CAMK2G: variants seen among roughly 807,000 people sequenced by gnomAD.
CAMK2G encodes calcium/calmodulin dependent protein kinase II gamma.
A neutral mutation model predicts 88.7 loss-of-function variants in CAMK2G; 23 were observed. That is an observed-to-expected ratio of 0.26 (90% CI 0.19 to 0.37). The LOEUF is 0.37. CAMK2G is among the 10% of genes least tolerant of loss of function. The probability of loss-of-function intolerance (pLI) is 1.00; values close to 1 mark genes in which losing one functional copy is unlikely to be tolerated. For missense variants in CAMK2G, 476 were observed against 780.8 expected, an observed-to-expected ratio of 0.61 and a Z score of 4.65; for synonymous variants, 263 against 294.8, an observed-to-expected ratio of 0.89 and a Z score of 1.11.
At chr10:73,865,846 C>T (rs2095567401) in intron 2 of CAMK2G, among the ~76,000 whole-genome samples, 1 of 152,102 alleles carries the variant, frequency 6.6e-6, no homozygotes, top group African/African-American at 2.4e-5. Context: ...CACCTTTCTA[C>T]CAGGCTCATC....
chr10:73,855,797 C>A (rs1355742188), intron 3 of CAMK2G, among the ~76,000 whole-genome samples: 1 of 152,202 alleles, frequency 6.6e-6, no homozygotes, highest in Non-Finnish European at 1.5e-5. Flanking sequence ...CCTGCCAAGA[C>A]AAGGAGGGAT....
Position 73,816,707 on chromosome 10 carries a change from C to T in CAMK2G, c.1534+316G>A, listed in dbSNP as rs554706768. On this transcript the variant is annotated intron_variant, in intron 21 of 22. Transcript: ENST00000423381. ...ATCTCCTGACCTCGTGATCCGCCAG[C>T]CTCAGCCTCCCAAAGTGTTGGGATT... 5.2e-5 allele frequency: 63 copies of T among 1,212,834 alleles called. No individual in the cohort carries two copies. The South Asian group carries it at 7.8e-4, about 15-fold the overall frequency. 75.1% of individuals were successfully genotyped at this position (1,212,834 alleles called of 1,614,324 possible). A position where few individuals can be genotyped will look rare whatever the true frequency, so the allele number is the denominator to read the frequency against.
rs374564688 is a variant in CAMK2G at position 73,872,966 on chromosome 10, A to C, written c.160+23T>G. 2.0e-5 allele frequency: 29 copies of C among 1,478,452 alleles called. No individual in the cohort carries two copies. The Middle Eastern group carries it at 1.2e-3, about 61-fold the overall frequency. The allele number at this position is 1,478,452 out of a possible 1,614,324, so 91.6% of individuals were successfully genotyped here. On this transcript the variant is annotated intron_variant, in intron 2 of 22. Coordinates refer to ENST00000423381, the MANE Select transcript of CAMK2G (RefSeq NM_001367534.1). ...GGCCCCTGGAGGCACCCTCAGGAAGAGGTCAAGACAGGGAACACTCACCCC... is the reference window on the plus strand; with the variant it reads ...GGCCCCTGGAGGCACCCTCAGGAAGCGGTCAAGACAGGGAACACTCACCCC...
At chr10:73,831,595 C>T (rs2092454911) in intron 14 of CAMK2G, among the ~76,000 whole-genome samples, 2 of 149,222 alleles carry the variant, frequency 1.3e-5, no homozygotes, top group South Asian at 2.1e-4. Context: ...ATAGGCCAGG[C>T]GTGGTGGCTC....
At chr10:73,844,676 G>A (rs2094096488) in intron 10 of CAMK2G, among the ~76,000 whole-genome samples, 1 of 152,150 alleles carries the variant, frequency 6.6e-6, no homozygotes. Context: ...CCAAAGTGCT[G>A]GGATTACAGG....
chr10:73,867,582 G>A (rs1050185990), intron 2 of CAMK2G, among the ~76,000 whole-genome samples: 1 of 152,186 alleles, frequency 6.6e-6, no homozygotes, highest in Non-Finnish European at 1.5e-5. Flanking sequence ...GAGCAGATGG[G>A]AAGCTGCGGC....
intron 21 of CAMK2G, 131 bp from the exon 22 acceptor site, chr10:73,815,378 C>CG (rs397940096): frequency 2.6e-5 from 17 of 645,758 alleles, no homozygotes; most frequent in Non-Finnish European, 3.8e-5. Flanking sequence ...CGCCCCCCCC[C>CG]ACCCCCGAAC....
chr10:73,820,663 A>ATTTTTTTTTTTTTTTTTTTTTT, intron 18 of CAMK2G, among the ~76,000 whole-genome samples: 1 of 46,130 alleles, frequency 2.2e-5, no homozygotes, highest in Non-Finnish European at 3.4e-5. Context: ...CACCCGGCTA[A>ATTTTTTTTTTTTTTTTTTTTTT]TTTTTTTTTT....
intron 14 of CAMK2G, among the ~76,000 whole-genome samples, chr10:73,833,818 C>T (rs769217766): frequency 6.7e-6 from 1 of 150,332 alleles, no homozygotes; most frequent in Non-Finnish European, 1.5e-5. Context: ...AGGCTGGTCT[C>T]GAACTCCTGG....
Position 73,839,555 on chromosome 10 carries a change from G to T in CAMK2G, c.993C>A (p.Ala331=). ...GCCACGTACCTTGCCCGGCCAGGCC[G>T]GCGGCGCTCGCGGCAGGCGAGGCGG... ...SAPASPAASA[A]GLAGQAAKSL... is the part of the protein sequence containing the mutation. Residue 331 remains alanine (A), a synonymous_variant, in exon 13 of 23, where the codon GCC becomes GCA. Transcript: ENST00000423381. This position sits in a 1 kb window ranked among gnomAD's most constrained non-coding sequence, Gnocchi z 4.2. The T allele has an allele frequency of 8.1e-7, 1 of 1,234,986 alleles. No homozygotes were observed. Among genetic ancestry groups the T allele is most frequent in the Non-Finnish European group, 1.0e-6 (1 of 987,816 alleles). 76.5% of individuals were successfully genotyped at this position (1,234,986 alleles called of 1,614,324 possible). A position where few individuals can be genotyped will look rare whatever the true frequency, so the allele number is the denominator to read the frequency against.
At chr10:73,861,038 C>T in intron 2 of CAMK2G, 149 bp from the exon 3 acceptor site, 1 of 652,864 alleles carries the variant, frequency 1.5e-6, no homozygotes, top group Non-Finnish European at 2.8e-6. Flanking sequence ...ATCCTGGAGA[C>T]AACTTGTTTT....
intron 20 of CAMK2G, 46 bp from the exon 21 acceptor site, chr10:73,817,163 G>T: frequency 6.4e-7 from 1 of 1,559,924 alleles, no homozygotes; most frequent in South Asian, 1.2e-5. Flanking sequence ...TCTATGGAGT[G>T]ACTTGTCTTC....
intron 3 of CAMK2G, among the ~76,000 whole-genome samples, chr10:73,857,654 G>A (rs2095136114): frequency 6.6e-6 from 1 of 152,176 alleles, no homozygotes; most frequent in African/African-American, 2.4e-5. Context: ...AAACTGCTGG[G>A]GCAGCTCAGC....
intron 2 of CAMK2G, 141 bp downstream of exon 2, chr10:73,872,848 G>T: frequency 5.6e-6 from 4 of 712,840 alleles, no homozygotes; most frequent in South Asian, 4.7e-5. Flanking sequence ...GCTTCAGCCT[G>T]ACACAAAGTC....
chr10:73,841,098 C>A (rs1032821922), intron 12 of CAMK2G, among the ~76,000 whole-genome samples: 3 of 152,266 alleles, frequency 2.0e-5, no homozygotes, highest in African/African-American at 4.8e-5. Context: ...TCCGGAGCTC[C>A]ATGGCTCTCA....
chr10:73,871,717 G>A (rs1275364666), intron 2 of CAMK2G, among the ~76,000 whole-genome samples: 1 of 151,316 alleles, frequency 6.6e-6, no homozygotes, highest in Non-Finnish European at 1.5e-5. Flanking sequence ...AAACAAACAA[G>A]TCCAACTTTA....
chr10:73,839,729 C>T lies in CAMK2G; in HGVS notation c.947-128G>A, dbSNP rs941907626. On this transcript the variant is annotated intron_variant, in intron 12 of 22. Coordinates refer to ENST00000423381, the MANE Select transcript of CAMK2G (RefSeq NM_001367534.1). The surrounding 1 kb of genome is among the most constrained non-coding windows in gnomAD (Gnocchi z 4.2). ...AGCCAGCCGAGCTGGGGGAGCGGAGCGCCAGGGGCAGGCTGAGGAGGTAGG... is the reference window on the plus strand; with the variant it reads ...AGCCAGCCGAGCTGGGGGAGCGGAGTGCCAGGGGCAGGCTGAGGAGGTAGG... 1.1e-4 allele frequency: 50 copies of T among 469,408 alleles called. No homozygotes were observed. Among genetic ancestry groups the T allele is most frequent in the African/African-American group, 5.0e-4 (25 of 49,848 alleles). The allele number at this position is 469,408 out of a possible 1,614,324, so 29.1% of individuals were successfully genotyped here.
At chr10:73,836,478 C>T (rs533652344) in intron 14 of CAMK2G, among the ~76,000 whole-genome samples, 92 of 152,320 alleles carry the variant, frequency 6.0e-4, no homozygotes, top group Non-Finnish European at 1.1e-3. Context: ...GCTTGGGGAC[C>T]GCACGATGCC....
chr10:73,823,984 G>A, intron 17 of CAMK2G, 56 bp downstream of exon 17: 2 of 1,421,852 alleles, frequency 1.4e-6, no homozygotes, highest in Non-Finnish European at 9.9e-7. Context: ...CTGGGACCCA[G>A]CCCACCTGTC....
Sources: gnomAD v4.1 joint callset for allele counts (sites outside exome capture counted in the v4.1 genomes callset) on GRCh38, gnomAD v4.1.1 for gene constraint, Gnocchi (gnomAD v3.1) non-coding constraint, MANE v1.5 for transcripts, NCBI Gene and HGNC (gene_info 2026-07-23, HGNC 2026-07-21) for gene names.